TUBGCP3: variants seen among roughly 807,000 people sequenced by gnomAD.
TUBGCP3 encodes the protein gamma-tubulin complex component 3.
TUBGCP3 carries 50 observed loss-of-function variants against 123.1 expected under a neutral mutation model. The observed-to-expected ratio is 0.41, with a 90% confidence interval of 0.32 to 0.51. The LOEUF (loss-of-function observed/expected upper bound fraction) is 0.51, where lower values mean the gene tolerates loss of function less well. TUBGCP3 is among the 20% of genes least tolerant of loss of function. The pLI is 0.36. For missense variants in TUBGCP3, 882 were observed against 1,127.0 expected (o/e 0.78, Z 3.11); for synonymous variants, 405 against 413.9 (o/e 0.98, Z 0.26).
At chr13:112,571,519 T>C (rs1881390922) in intron 1 of TUBGCP3, among the ~76,000 whole-genome samples, 1 of 152,206 alleles carries the variant, frequency 6.6e-6, no homozygotes, top group Non-Finnish European at 1.5e-5. Context: ...GCATAACTCC[T>C]AAGGGCCCCA....
chr13:112,554,550 CT>C lies in TUBGCP3; in HGVS notation c.840+336del, dbSNP rs572616635. On this transcript the variant is annotated intron_variant, in intron 7 of 21. Coordinates refer to ENST00000261965, the MANE Select transcript of TUBGCP3 (RefSeq NM_006322.6). ...AGGAAACAAAAGTGGGTGAAGACCC[CT>C]GACCTGGAATCCTGCATCAATGCCG... is the stretch of plus-strand genomic sequence containing the variant. 1.3e-4 allele frequency among the ~76,000 whole-genome samples: 20 copies of C among 152,334 alleles called. No homozygotes were observed. The East Asian group carries it at 1.4e-3, about 10-fold the overall frequency.
At chr13:112,567,143 T>A (rs758403334) in intron 2 of TUBGCP3, among the ~76,000 whole-genome samples, 2 of 152,212 alleles carry the variant, frequency 1.3e-5, no homozygotes, top group Non-Finnish European at 2.9e-5. Flanking sequence ...TGGGGACACC[T>A]GCTGGGGACA....
At chr13:112,490,849 G>A (rs1437747287) in intron 20 of TUBGCP3, among the ~76,000 whole-genome samples, 3 of 152,158 alleles carry the variant, frequency 2.0e-5, no homozygotes, top group African/African-American at 4.8e-5. Context: ...CTGACCTGAC[G>A]CTTTTTGGTG....
intron 3 of TUBGCP3, among the ~76,000 whole-genome samples, chr13:112,564,560 A>G (rs572184004): frequency 1.2e-4 from 18 of 152,354 alleles, no homozygotes; most frequent in African/African-American, 4.1e-4. Flanking sequence ...ATGCACCTGT[A>G]GTCCCAGCTA....
chr13:112,563,549 A>G (rs1432222347), intron 3 of TUBGCP3, among the ~76,000 whole-genome samples: 1 of 152,072 alleles, frequency 6.6e-6, no homozygotes, highest in African/African-American at 2.4e-5. Context: ...ATTTTGGAAA[A>G]CAACCATTTT....
At chr13:112,535,463 G>A (rs1877965844) in intron 11 of TUBGCP3, among the ~76,000 whole-genome samples, 1 of 152,120 alleles carries the variant, frequency 6.6e-6, no homozygotes, top group African/African-American at 2.4e-5. Context: ...TTATTTTCTG[G>A]CTGCTGGTTT....
chr13:112,564,869 C>T (rs1880832243), intron 3 of TUBGCP3, among the ~76,000 whole-genome samples: 1 of 152,202 alleles, frequency 6.6e-6, no homozygotes, highest in African/African-American at 2.4e-5. Flanking sequence ...TAAAAACTCA[C>T]AAATTCTGTT....
intron 16 of TUBGCP3, 32 bp from the exon 17 acceptor site, chr13:112,516,607 A>AT: frequency 6.2e-7 from 1 of 1,604,600 alleles, no homozygotes; most frequent in Non-Finnish European, 8.5e-7. Flanking sequence ...AGTTGATAGT[A>AT]TTCCCACGTA....
rs191214204 is a variant in TUBGCP3 at position 112,552,719 on chromosome 13, C to T, written c.966+1338G>A. ...TCGCTTCAAAGCTCAAAGTGTGATGCCTACTCAGCAGCCACGCTGCCACAG... is the reference window on the plus strand; with the variant it reads ...TCGCTTCAAAGCTCAAAGTGTGATGTCTACTCAGCAGCCACGCTGCCACAG... On this transcript the variant is annotated intron_variant, in intron 8 of 21. Coordinates refer to ENST00000261965, the MANE Select transcript of TUBGCP3 (RefSeq NM_006322.6). Among the ~76,000 whole-genome samples, 523 of 152,228 alleles carry T rather than the reference C, an allele frequency of 3.4e-3. 5 individuals carry two copies. The highest frequency in any genetic ancestry group is 0.012 in the African/African-American group (500 of 41,520).
At chr13:112,541,182 C>A (rs538350740) in intron 11 of TUBGCP3, among the ~76,000 whole-genome samples, 2 of 152,316 alleles carry the variant, frequency 1.3e-5, no homozygotes, top group Admixed American at 1.3e-4. Flanking sequence ...AATACACAAG[C>A]CTGAATAACA....
At chr13:112,489,541 C>T in intron 21 of TUBGCP3, 40 bp downstream of exon 21, 1 of 1,379,226 alleles carries the variant, frequency 7.3e-7, no homozygotes, top group Non-Finnish European at 1.0e-6. Context: ...AGAACATGGG[C>T]AGAGTGGTGT....
At chr13:112,488,271 G>A (rs1054053690) in intron 21 of TUBGCP3, among the ~76,000 whole-genome samples, 2 of 152,052 alleles carry the variant, frequency 1.3e-5, no homozygotes, top group Non-Finnish European at 2.9e-5. Context: ...AGGGCTGGAG[G>A]CTTGATGCTC....
At chr13:112,560,842 T>A (rs898166077) in intron 3 of TUBGCP3, among the ~76,000 whole-genome samples, 2 of 151,952 alleles carry the variant, frequency 1.3e-5, no homozygotes, top group Admixed American at 6.6e-5. Flanking sequence ...CCTGATGGAG[T>A]GTGTCTCATC....
At chr13:112,599,560 G>A in the TUBGCP3 span, among the ~76,000 whole-genome samples, 1 of 152,204 alleles carries the variant, frequency 6.6e-6, no homozygotes, top group Non-Finnish European at 1.5e-5. Flanking sequence ...AGGCTGGAGT[G>A]CAGTGGCGTG....
Position 112,554,868 on chromosome 13 carries a change from A to C in TUBGCP3, c.840+19T>G, listed in dbSNP as rs766968389. 1.3e-6 allele frequency: 2 copies of C among 1,517,752 alleles called. No homozygotes were observed. Among genetic ancestry groups the C allele is most frequent in the Non-Finnish European group, 1.8e-6 (2 of 1,111,514 alleles). The allele number at this position is 1,517,752 out of a possible 1,614,324, so 94.0% of individuals were successfully genotyped here. On this transcript the variant is annotated intron_variant, in intron 7 of 21. Transcript: ENST00000261965. ...TTTTTCTTTCTGAATATTTTAACTT[A>C]GATTTTATGTTACTGTACCTTTCCT...
intron 10 of TUBGCP3, chr13:112,547,414 G>A (rs897408544): frequency 3.6e-5 from 29 of 805,148 alleles, no homozygotes; most frequent in East Asian, 6.6e-5. Context: ...GAATCAACAC[G>A]GCCATTAAGG....
intron 20 of TUBGCP3, among the ~76,000 whole-genome samples, chr13:112,496,049 T>C (rs764721351): frequency 1.6e-4 from 24 of 152,142 alleles, no homozygotes; most frequent in African/African-American, 1.9e-4. Flanking sequence ...AGCAGCAGCA[T>C]TGAGATTCTT....
Position 112,519,030 on chromosome 13 carries a change from T to C in TUBGCP3, c.1895A>G (p.Asp632Gly). Residue 632 changes from aspartate to glycine, a missense_variant, in exon 16 of 22, where the codon GAC becomes GGC. Asp to Gly is a moderately conservative substitution (Grantham distance 94). Around this residue, in one of 3 missense-constraint regions of TUBGCP3, gnomAD observed 713 missense variants for 874.0 expected, o/e 0.82. Transcript: ENST00000261965. The surrounding 1 kb of genome is among the most constrained non-coding windows in gnomAD (Gnocchi z 6.2). ...GAGGCTGAAGACATCCCATCCAGTG[T>C]CACCTGGAGAGACCTAACAACAGAA... ...DVRLLEVSPG[D>G]TGWDVFSLDY... is the part of the protein sequence containing the mutation. 1 of 1,613,514 alleles carries C rather than the reference T, an allele frequency of 6.2e-7. No individual in the cohort carries two copies. Among genetic ancestry groups the C allele is most frequent in the East Asian group, 2.2e-5 (1 of 44,878 alleles).
In TUBGCP3 at chr13:112,516,517, G is replaced by A; in HGVS notation, c.2009C>T (p.Ala670Val). ...YLRVFNFLWRAKRMEYILTDI... is the reference protein window; with the variant it reads ...YLRVFNFLWRVKRMEYILTDI... ...AGTGAGGATGTATTCCATCCGCTTC[G>A]CCCTCCAGAGGAAGTTAAATACTCT... Residue 670 changes from alanine (A) to valine (V), a missense_variant, in exon 17 of 22, where the codon GCG (alanine) becomes GTG (valine). Transcript: ENST00000261965. The A allele has an allele frequency of 3.1e-6, 5 of 1,614,044 alleles. No homozygotes were observed. Among genetic ancestry groups the A allele is most frequent in the Non-Finnish European group, 4.2e-6 (5 of 1,180,016 alleles).
Sources: gnomAD v4.1 joint callset for allele counts (sites outside exome capture counted in the v4.1 genomes callset) on GRCh38, gnomAD v4.1.1 for gene constraint, gnomAD v4.1.1 regional missense constraint, Gnocchi (gnomAD v3.1) non-coding constraint, MANE v1.5 for transcripts, NCBI Gene and HGNC (gene_info 2026-07-23, HGNC 2026-07-21) for gene names.